Variants in PDGFD observed in about 807,000 individuals in gnomAD.
PDGFD encodes the protein platelet derived growth factor D.
PDGFD carries 30 observed loss-of-function variants against 44.7 expected under a neutral mutation model. That is an observed-to-expected ratio of 0.67 (90% CI 0.50 to 0.91). PDGFD has a LOEUF of 0.91. Ranked by LOEUF, PDGFD falls within the 40% of genes least tolerant of loss-of-function variation. The pLI, the probability that PDGFD is intolerant of heterozygous loss-of-function variation, is 0.00. For missense variants in PDGFD, 445 were observed against 457.8 expected, an observed-to-expected ratio of 0.97 and a Z score of 0.25; for synonymous variants, 173 against 168.4, an observed-to-expected ratio of 1.03 and a Z score of -0.21.
In PDGFD at chr11:104,116,430, T is replaced by A. The variant is rs183137685; in HGVS notation, c.124+47374A>T. On this transcript the variant is annotated intron_variant, in intron 1 of 6. Coordinates refer to ENST00000393158, the MANE Select transcript of PDGFD (RefSeq NM_025208.5). ...CAGTACCACGCTGTTTTGGTGACTA[T>A]GGCTTTATAGTATAGTTTGAAATCA... is the stretch of plus-strand genomic sequence containing the variant. Among the ~76,000 whole-genome samples the A allele has an allele frequency of 3.9e-5, 6 of 152,188 alleles. No homozygotes were observed. In the East Asian group the frequency reaches 1.2e-3, roughly 29 times the overall value.
At chr11:103,993,389 T>C (rs1859489721) in intron 3 of PDGFD, among the ~76,000 whole-genome samples, 1 of 151,614 alleles carries the variant, frequency 6.6e-6, no homozygotes, top group South Asian at 2.1e-4. Flanking sequence ...GAACTAATCT[T>C]AAGGCTCATA....
chr11:104,157,989 C>T (rs1344985974), intron 1 of PDGFD, among the ~76,000 whole-genome samples: 3 of 152,116 alleles, frequency 2.0e-5, no homozygotes, highest in Non-Finnish European at 4.4e-5. Context: ...ACACATAAGG[C>T]TTCAAATCAT....
rs1861881224 is a variant in PDGFD at position 104,129,186 on chromosome 11, G to A, written c.124+34618C>T. On this transcript the variant is annotated intron_variant, in intron 1 of 6. Coordinates refer to ENST00000393158, the MANE Select transcript of PDGFD (RefSeq NM_025208.5). Reference sequence around the variant, plus strand: ...AAACTGGAGCTTTATATTTACCCAGGAACTAACATCCCACTCTGTCACTGT... The same window carrying A: ...AAACTGGAGCTTTATATTTACCCAGAAACTAACATCCCACTCTGTCACTGT... 2.0e-5 allele frequency among the ~76,000 whole-genome samples: 3 copies of A among 151,780 alleles called. 1 individual carries two copies. The South Asian group carries it at 6.2e-4, about 32-fold the overall frequency.
intron 1 of PDGFD, among the ~76,000 whole-genome samples, chr11:104,035,293 C>T (rs150737431): frequency 6.6e-4 from 100 of 152,120 alleles, no homozygotes; most frequent in Middle Eastern, 6.8e-3. Context: ...TTTTACACTC[C>T]CCACCTCCAA....
chr11:103,986,008 T>G (rs747634082), intron 3 of PDGFD, among the ~76,000 whole-genome samples: 1 of 152,206 alleles, frequency 6.6e-6, no homozygotes, highest in Admixed American at 6.5e-5. Flanking sequence ...GTTTTGCCTG[T>G]CTGGCTCCAA....
chr11:104,077,667 T>C (rs1227642942), intron 1 of PDGFD, among the ~76,000 whole-genome samples: 1 of 152,190 alleles, frequency 6.6e-6, no homozygotes, highest in Non-Finnish European at 1.5e-5. Context: ...GTAGCATTTT[T>C]ACTTCTCTGT....
chr11:104,155,084 ACTAACACAAAT>A (rs1862289169), intron 1 of PDGFD, among the ~76,000 whole-genome samples: 1 of 152,208 alleles, frequency 6.6e-6, no homozygotes, highest in Admixed American at 6.5e-5. Context: ...CTCCCTCTTG[ACTAACACAAAT>A]CTATCAGTTA....
At chr11:103,957,215 T>C (rs1356344872) in intron 3 of PDGFD, among the ~76,000 whole-genome samples, 1 of 152,150 alleles carries the variant, frequency 6.6e-6, no homozygotes, top group African/African-American at 2.4e-5. Context: ...GTCTTTAATC[T>C]ATCTTGAATT....
At chr11:104,038,255 G>T (rs75649301) in intron 1 of PDGFD, 3 of 461,262 alleles carry the variant, frequency 6.5e-6, no homozygotes, top group Non-Finnish European at 1.2e-5. Flanking sequence ...GGCTCCAGCT[G>T]ATTTCCAGAT....
chr11:104,128,057 T>C (rs1230691107), intron 1 of PDGFD, among the ~76,000 whole-genome samples: 3 of 151,984 alleles, frequency 2.0e-5, no homozygotes, highest in African/African-American at 7.2e-5. Flanking sequence ...AGCACAAACA[T>C]GGCAACACAC....
intron 1 of PDGFD, among the ~76,000 whole-genome samples, chr11:104,014,285 T>C (rs1445458717): frequency 1.3e-5 from 2 of 152,176 alleles, no homozygotes; most frequent in African/African-American, 4.8e-5. Context: ...TAGCTTAGGC[T>C]AGGAGTTCGA....
At chr11:104,103,462 G>GTGTGTGTGTGTGTGTGTA (rs1041388346) in intron 1 of PDGFD, among the ~76,000 whole-genome samples, 3 of 133,260 alleles carry the variant, frequency 2.3e-5, no homozygotes, top group African/African-American at 8.3e-5. Context: ...GTGTGTGTGT[G>GTGTGTGTGTGTGTGTGTA]TATATATATA....
In PDGFD at chr11:104,046,498, A is replaced by G. The variant is rs974515384; in HGVS notation, c.125-46243T>C. Among the ~76,000 whole-genome samples, 3 of 147,568 alleles carry G rather than the reference A, an allele frequency of 2.0e-5. 1 individual carries two copies. The highest frequency in any genetic ancestry group is 4.5e-5 in the Non-Finnish European group (3 of 66,096). On this transcript the variant is annotated intron_variant, in intron 1 of 6. Coordinates refer to ENST00000393158, the MANE Select transcript of PDGFD (RefSeq NM_025208.5). ...TGTACTCCAAAACAATAATTGACAG[A>G]AAACAATTTCATTGATATTCCATAG...
chr11:104,000,692 T>C (rs1859607288), intron 1 of PDGFD, among the ~76,000 whole-genome samples: 1 of 152,216 alleles, frequency 6.6e-6, no homozygotes, highest in South Asian at 2.1e-4. Context: ...CTTAATATCA[T>C]TCTTGACAAG....
At chr11:104,033,049 GGTGTGTGTGTGT>G (rs34144830) in intron 1 of PDGFD, among the ~76,000 whole-genome samples, 3 of 146,272 alleles carry the variant, frequency 2.1e-5, no homozygotes, top group African/African-American at 5.0e-5. Context: ...TATGTTTAGG[GGTGTGTGTGTGT>G]GTGTGTGTGT....
chr11:104,004,573 G>A (rs144152142), intron 1 of PDGFD, among the ~76,000 whole-genome samples: 106 of 152,154 alleles, frequency 7.0e-4, no homozygotes, highest in African/African-American at 2.4e-3. Context: ...GACTATATTC[G>A]TTTTCAATTT....
At chr11:104,134,625 T>C (rs2119853123) in intron 1 of PDGFD, among the ~76,000 whole-genome samples, 1 of 152,172 alleles carries the variant, frequency 6.6e-6, no homozygotes, top group African/African-American at 2.4e-5. Flanking sequence ...TGTCAGGTCA[T>C]GTGCTAAGCT....
intron 1 of PDGFD, among the ~76,000 whole-genome samples, chr11:104,109,952 T>G (rs1861528715): frequency 6.6e-6 from 1 of 152,088 alleles, no homozygotes; most frequent in African/African-American, 2.4e-5. Flanking sequence ...TTCTCATTGG[T>G]AAGAGTGGCA....
chr11:104,036,911 T>A, intron 1 of PDGFD: 1 of 1,614,120 alleles, frequency 6.2e-7, no homozygotes, highest in South Asian at 1.1e-5. Flanking sequence ...CTCCGAAACT[T>A]CAAGGTCCTC....
Sources: gnomAD v4.1 joint callset for allele counts (sites outside exome capture counted in the v4.1 genomes callset) on GRCh38, gnomAD v4.1.1 for gene constraint, MANE v1.5 for transcripts, NCBI Gene and HGNC (gene_info 2026-07-23, HGNC 2026-07-21) for gene names.